Variants in CPNE4 observed in about 807,000 individuals in gnomAD.
CPNE4 encodes copine-4.
In CPNE4, 25 loss-of-function variants were observed where a neutral mutation model predicts 67.9. That is an observed-to-expected ratio of 0.37 (90% CI 0.27 to 0.51). The LOEUF is 0.51. Ranked by LOEUF, CPNE4 falls within the 20% of genes least tolerant of loss-of-function variation. The pLI, the probability that CPNE4 is intolerant of heterozygous loss-of-function variation, is 0.93. For synonymous variants in CPNE4, 242 were observed against 244.9 expected, an observed-to-expected ratio of 0.99 and a Z score of 0.11; for missense variants, 464 against 690.8, an observed-to-expected ratio of 0.67 and a Z score of 3.68.
chr3:131,958,137 CAG>C (rs2072031406), intron 1 of CPNE4, among the ~76,000 whole-genome samples: 1 of 152,194 alleles, frequency 6.6e-6, no homozygotes, highest in South Asian at 2.1e-4. Context: ...GGTAACTTTA[CAG>C]AGTTACTTCT....
chr3:131,973,829 A>G (rs1184272598), intron 1 of CPNE4, among the ~76,000 whole-genome samples: 2 of 152,246 alleles, frequency 1.3e-5, no homozygotes, highest in African/African-American at 4.8e-5. Context: ...AAGAATAGGA[A>G]TAACGTCAAA....
At chr3:131,808,940 C>A (rs944323044) in intron 2 of CPNE4, among the ~76,000 whole-genome samples, 2 of 152,106 alleles carry the variant, frequency 1.3e-5, no homozygotes, top group Non-Finnish European at 2.9e-5. Context: ...TCAGAATGGA[C>A]GGAACATGTA....
chr3:131,757,228 G>A lies in CPNE4; in HGVS notation c.181-33603C>T, dbSNP rs140800096. 8.0e-3 allele frequency among the ~76,000 whole-genome samples: 1,225 copies of A among 152,298 alleles called. 17 individuals are homozygous for A. The highest frequency in any genetic ancestry group is 0.026 in the African/African-American group (1,100 of 41,550). On this transcript the variant is annotated intron_variant, in intron 2 of 15. Transcript: ENST00000429747. ...CTGAGAAGAAGACAGGAAAATGTGG[G>A]AAAGTTTGGAACTTCCTAGAGACTT...
chr3:131,796,617 A>C (rs2083925677), intron 2 of CPNE4, among the ~76,000 whole-genome samples: 2 of 152,188 alleles, frequency 1.3e-5, no homozygotes, highest in East Asian at 3.9e-4. Flanking sequence ...CCTCCTCCCC[A>C]GGGTCCCCCT....
chr3:131,931,812 C>G (rs1446467916), intron 1 of CPNE4, among the ~76,000 whole-genome samples: 2 of 152,152 alleles, frequency 1.3e-5, no homozygotes, highest in African/African-American at 4.8e-5. Flanking sequence ...TACTTTACTT[C>G]TATGGGCTTC....
intron 2 of CPNE4, among the ~76,000 whole-genome samples, chr3:131,871,612 G>C (rs2087210025): frequency 6.6e-6 from 1 of 152,184 alleles, no homozygotes; most frequent in Non-Finnish European, 1.5e-5. Flanking sequence ...GGGTGAACTA[G>C]TCTCAAAATA....
intron 1 of CPNE4, among the ~76,000 whole-genome samples, chr3:132,022,581 T>C (rs992422475): frequency 6.0e-5 from 9 of 151,190 alleles, no homozygotes; most frequent in African/African-American, 2.2e-4. Context: ...AAAAAAATAA[T>C]AATAATAATA....
chr3:131,807,617 G>T (rs58160237), intron 2 of CPNE4, among the ~76,000 whole-genome samples: 17,688 of 151,970 alleles, frequency 0.12, 1,063 homozygotes, highest in East Asian at 0.17. Flanking sequence ...AAATCCCTGG[G>T]TCATAGGGGA....
intron 2 of CPNE4, among the ~76,000 whole-genome samples, chr3:131,726,839 G>T (rs1180857647): frequency 6.6e-6 from 1 of 152,140 alleles, no homozygotes; most frequent in Non-Finnish European, 1.5e-5. Context: ...AGAGAATTCT[G>T]GTGTGGGAAC....
At chr3:131,646,568 C>T (rs1487532108) in intron 7 of CPNE4, among the ~76,000 whole-genome samples, 1 of 152,118 alleles carries the variant, frequency 6.6e-6, no homozygotes, top group Non-Finnish European at 1.5e-5. Flanking sequence ...ACAGTCACAG[C>T]AGACATTCTA....
At chr3:131,717,911 T>C (rs936133766) in intron 3 of CPNE4, among the ~76,000 whole-genome samples, 20 of 144,188 alleles carry the variant, frequency 1.4e-4, no homozygotes, top group Non-Finnish European at 1.7e-4. Flanking sequence ...TCTTTCTTTC[T>C]TTCTTTCTTT....
intron 10 of CPNE4, among the ~76,000 whole-genome samples, chr3:131,572,344 T>G (rs191223259): frequency 4.7e-4 from 71 of 152,082 alleles, no homozygotes; most frequent in African/African-American, 1.6e-3. Context: ...TTACTAGAAT[T>G]CAGTAAGAGG....
At chr3:131,861,249 C>G (rs1191683754) in intron 2 of CPNE4, among the ~76,000 whole-genome samples, 2 of 152,084 alleles carry the variant, frequency 1.3e-5, no homozygotes, top group East Asian at 3.9e-4. Flanking sequence ...GTTGTGCTTT[C>G]AAAAAGTTTA....
At chr3:131,647,872 T>A (rs890821376) in intron 7 of CPNE4, among the ~76,000 whole-genome samples, 1 of 152,190 alleles carries the variant, frequency 6.6e-6, no homozygotes, top group Non-Finnish European at 1.5e-5. Context: ...TCCTTTGCTC[T>A]TTTATCCTCA....
chr3:131,895,192 T>C (rs2088277975), intron 2 of CPNE4, among the ~76,000 whole-genome samples: 1 of 151,930 alleles, frequency 6.6e-6, no homozygotes, highest in South Asian at 2.1e-4. Flanking sequence ...AGTAGAACAG[T>C]GGATACCAGA....
At chr3:131,893,296 C>T (rs961777162) in intron 2 of CPNE4, among the ~76,000 whole-genome samples, 1 of 151,892 alleles carries the variant, frequency 6.6e-6, no homozygotes, top group East Asian at 1.9e-4. Flanking sequence ...TATATAGGCA[C>T]TCAATGCCAG....
intron 2 of CPNE4, among the ~76,000 whole-genome samples, chr3:131,836,929 C>T (rs538939330): frequency 1.3e-5 from 2 of 152,226 alleles, no homozygotes; most frequent in South Asian, 4.1e-4. Context: ...CTTAAAAATA[C>T]ACTTCACCAA....
At chr3:131,541,537 G>A (rs969453164) in intron 15 of CPNE4, among the ~76,000 whole-genome samples, 12 of 150,738 alleles carry the variant, frequency 8.0e-5, no homozygotes, top group Non-Finnish European at 1.6e-4. Context: ...GATAGCAGGC[G>A]ATTTCTGGCC....
chr3:131,543,175 T>A (rs1935620470), intron 14 of CPNE4: 1 of 170,546 alleles, frequency 5.9e-6, no homozygotes, highest in African/African-American at 2.4e-5. Context: ...TATATGATCT[T>A]CTTTACTTGA....
Sources: gnomAD v4.1 joint callset for allele counts (sites outside exome capture counted in the v4.1 genomes callset) on GRCh38, gnomAD v4.1.1 for gene constraint, MANE v1.5 for transcripts, NCBI Gene and HGNC (gene_info 2026-07-23, HGNC 2026-07-21) for gene names.